CAPN13: variants seen among roughly 807,000 people sequenced by gnomAD.
CAPN13 encodes calpain-13.
CAPN13 carries 90 observed loss-of-function variants against 98.4 expected under a neutral mutation model. That is an observed-to-expected ratio of 0.92 (90% CI 0.77 to 1.09). The LOEUF (loss-of-function observed/expected upper bound fraction) is 1.09, where lower values mean the gene tolerates loss of function less well. Among genes scored for constraint, CAPN13 ranks in the 50% least tolerant of loss-of-function variants. The pLI is 0.00. For missense variants in CAPN13, 887 were observed against 841.3 expected (o/e 1.05, Z -0.67); for synonymous variants, 330 against 305.5 (o/e 1.08, Z -0.84).
At position 30,736,161 on chromosome 2, in the gene CAPN13, T is replaced by C. The variant is rs1300657940; in HGVS notation, c.1722+342A>G. ...CCACATCTATGTTTTCGACAGATCC[T>C]CTGGCAGGTGGATTGGACGGGAATG... On this transcript the variant is annotated intron_variant, in intron 18 of 22. Coordinates refer to ENST00000295055, the MANE Select transcript of CAPN13 (RefSeq NM_144575.3). Among the ~76,000 whole-genome samples the C allele has an allele frequency of 4.2e-5, 6 of 142,144 alleles. No homozygotes were observed. The East Asian group carries it at 1.0e-3, about 25-fold the overall frequency. The allele number at this position is 142,144 out of a possible 152,430, so 93.3% of individuals were successfully genotyped here. A position where few individuals can be genotyped will look rare whatever the true frequency, so the allele number is the denominator to read the frequency against.
intron 5 of CAPN13, among the ~76,000 whole-genome samples, chr2:30,766,622 T>C (rs1673124998): frequency 6.6e-6 from 1 of 152,212 alleles, no homozygotes; most frequent in African/African-American, 2.4e-5. Flanking sequence ...CCAGGAATTC[T>C]GAGACAGCCT....
At chr2:30,793,233 A>G (rs1674692957) in intron 1 of CAPN13, among the ~76,000 whole-genome samples, 1 of 151,812 alleles carries the variant, frequency 6.6e-6, no homozygotes, top group African/African-American at 2.4e-5. Flanking sequence ...GAAATCTACA[A>G]AACAACTACT....
intron 7 of CAPN13, among the ~76,000 whole-genome samples, chr2:30,758,823 TCCTTCCTC>T (rs1245936090): frequency 1.4e-5 from 1 of 72,116 alleles, no homozygotes; most frequent in African/African-American, 5.6e-5. Flanking sequence ...CTTCCTCCCT[TCCTTCCTC>T]CCTTCCTTCT....
At chr2:30,744,622 G>A (rs1671817529) in intron 12 of CAPN13, among the ~76,000 whole-genome samples, 2 of 152,272 alleles carry the variant, frequency 1.3e-5, no homozygotes, top group African/African-American at 2.4e-5. Flanking sequence ...CTGCTCACCC[G>A]TTATCTTGTC....
intron 18 of CAPN13, among the ~76,000 whole-genome samples, chr2:30,735,543 G>A (rs996377470): frequency 2.6e-5 from 4 of 152,196 alleles, no homozygotes; most frequent in Non-Finnish European, 5.9e-5. Context: ...TTGAACCCCT[G>A]CTGTGTTTTA....
chr2:30,792,204 G>T (rs1293799763), intron 1 of CAPN13, among the ~76,000 whole-genome samples: 1 of 152,046 alleles, frequency 6.6e-6, no homozygotes, highest in Non-Finnish European at 1.5e-5. Context: ...TAAAACAGAA[G>T]ACGGATAAGA....
chr2:30,792,006 G>A (rs1462636878), intron 1 of CAPN13, among the ~76,000 whole-genome samples: 6 of 152,088 alleles, frequency 3.9e-5, no homozygotes, highest in African/African-American at 1.2e-4. Flanking sequence ...CCTGAGCTAC[G>A]TGTTGTTCTT....
chr2:30,756,618 G>A (rs1672465702), intron 8 of CAPN13, among the ~76,000 whole-genome samples: 1 of 152,200 alleles, frequency 6.6e-6, no homozygotes, highest in Admixed American at 6.5e-5. Flanking sequence ...CTCAAATCAG[G>A]GGTGCTGGCT....
intron 18 of CAPN13, among the ~76,000 whole-genome samples, chr2:30,735,870 A>G (rs776571959): frequency 2.6e-5 from 4 of 152,190 alleles, no homozygotes; most frequent in African/African-American, 4.8e-5. Flanking sequence ...ATTCTGAAGT[A>G]TGAAGGGTAG....
At chr2:30,754,441 C>T (rs911801830) in intron 8 of CAPN13, 77 bp from the exon 9 acceptor site, 4 of 1,222,096 alleles carry the variant, frequency 3.3e-6, no homozygotes, top group Non-Finnish European at 4.5e-6. Context: ...TCAACAGGGA[C>T]CCTCTGTACA....
chr2:30,787,782 G>A (rs1274395841), intron 1 of CAPN13, among the ~76,000 whole-genome samples: 1 of 152,160 alleles, frequency 6.6e-6, no homozygotes, highest in Non-Finnish European at 1.5e-5. Context: ...AGGGTGGGTA[G>A]GAAGTGTTGG....
Position 30,723,098 on chromosome 2 carries a change from GACC to G in CAPN13, c.*166_*168del, listed in dbSNP as rs1350623415. ...CTTAACTGGGCCTGGGCCAGCCAAGGACCGAACCCAGGCTGTTGGGAGACAGCT... is the reference window on the plus strand; with the variant it reads ...CTTAACTGGGCCTGGGCCAGCCAAGGGAACCCAGGCTGTTGGGAGACAGCT... On this transcript the variant is annotated 3_prime_UTR_variant, in exon 23 of 23. Transcript: ENST00000295055. 1 of 152,284 alleles carries G rather than the reference GACC, an allele frequency of 6.6e-6. No homozygotes were observed. The highest frequency in any genetic ancestry group is 2.4e-5 in the African/African-American group (1 of 41,468). 9.4% of individuals were successfully genotyped at this position (152,284 alleles called of 1,614,324 possible).
At chr2:30,797,069 A>C (rs753350669) in intron 1 of CAPN13, among the ~76,000 whole-genome samples, 3 of 152,210 alleles carry the variant, frequency 2.0e-5, no homozygotes, top group Non-Finnish European at 4.4e-5. Context: ...GGCGGGAGGC[A>C]GTCCAGCTAA....
At chr2:30,771,509 C>T (rs1013850545) in intron 4 of CAPN13, among the ~76,000 whole-genome samples, 1 of 152,196 alleles carries the variant, frequency 6.6e-6, no homozygotes, top group Admixed American at 6.5e-5. Flanking sequence ...TGCACTGTGG[C>T]AGGTTCTGCA....
At chr2:30,728,135 T>C (rs890789882) in intron 22 of CAPN13, among the ~76,000 whole-genome samples, 1 of 150,782 alleles carries the variant, frequency 6.6e-6, no homozygotes, top group African/African-American at 2.4e-5. Context: ...AGATTAGTGG[T>C]TGCCTCAGGC....
intron 13 of CAPN13, among the ~76,000 whole-genome samples, chr2:30,742,768 G>C (rs1671726146): frequency 6.6e-6 from 1 of 152,172 alleles, no homozygotes; most frequent in Non-Finnish European, 1.5e-5. Flanking sequence ...CCCAAGAGGA[G>C]ACAAGGGGCC....
chr2:30,775,170 C>T (rs1673619094), intron 4 of CAPN13, among the ~76,000 whole-genome samples: 1 of 152,082 alleles, frequency 6.6e-6, no homozygotes, highest in Admixed American at 6.5e-5. Context: ...TGGCTAGATG[C>T]AGTTTAATAT....
At chr2:30,787,760 A>G (rs1168307492) in intron 1 of CAPN13, among the ~76,000 whole-genome samples, 3 of 152,026 alleles carry the variant, frequency 2.0e-5, no homozygotes, top group Non-Finnish European at 4.4e-5. Flanking sequence ...GTTTTGTGGG[A>G]TGGGGGCAGA....
chr2:30,758,226 G>T, intron 7 of CAPN13, 89 bp from the exon 8 acceptor site: 1 of 954,150 alleles, frequency 1.0e-6, no homozygotes, highest in Non-Finnish European at 1.5e-6. Context: ...TACCTCCAAG[G>T]ACCAATTTAA....
Sources: gnomAD v4.1 joint callset for allele counts (sites outside exome capture counted in the v4.1 genomes callset) on GRCh38, gnomAD v4.1.1 for gene constraint, MANE v1.5 for transcripts, NCBI Gene and HGNC (gene_info 2026-07-23, HGNC 2026-07-21) for gene names.